The following ITGA2 variants were observed in gnomAD, a reference collection of about 807,000 sequenced individuals.
ITGA2 encodes the protein integrin alpha-2.
In ITGA2, 101 loss-of-function variants were observed where a neutral mutation model predicts 146.3. That is an observed-to-expected ratio of 0.69 (90% confidence interval 0.59 to 0.81). ITGA2 has a LOEUF of 0.81. ITGA2 is among the 40% of genes least tolerant of loss of function. ITGA2 has a pLI of 0.00. For missense variants in ITGA2, 1,281 were observed against 1,402.7 expected, an observed-to-expected ratio of 0.91 and a Z score of 1.39; for synonymous variants, 477 against 487.1, an observed-to-expected ratio of 0.98 and a Z score of 0.27.
chr5:53,067,316 G>T, intron 16 of ITGA2, 59 bp downstream of exon 16: 1 of 1,590,370 alleles, frequency 6.3e-7, no homozygotes, highest in Non-Finnish European at 8.6e-7. Context: ...TTTTAGTCCT[G>T]AATATAACAT....
At chr5:53,047,830 G>A (rs1473797992) in intron 4 of ITGA2, among the ~76,000 whole-genome samples, 2 of 152,152 alleles carry the variant, frequency 1.3e-5, no homozygotes, top group Non-Finnish European at 2.9e-5. Context: ...GAAAACTAAT[G>A]TTCAGCAAGA....
chr5:53,023,381 A>T (rs1742780621), intron 1 of ITGA2, among the ~76,000 whole-genome samples: 1 of 152,194 alleles, frequency 6.6e-6, no homozygotes. Flanking sequence ...GTCCTCCAAG[A>T]TCCAGATTAA....
chr5:53,004,846 T>C (rs1238455791), intron 1 of ITGA2, among the ~76,000 whole-genome samples: 2 of 147,884 alleles, frequency 1.4e-5, no homozygotes, highest in Admixed American at 6.8e-5. Flanking sequence ...CTTTACACAG[T>C]GTGTGGTCAT....
At chr5:53,054,361 G>A (rs567595626) in intron 7 of ITGA2, among the ~76,000 whole-genome samples, 27 of 151,934 alleles carry the variant, frequency 1.8e-4, no homozygotes, top group Admixed American at 3.9e-4. Flanking sequence ...TAACTTTCCC[G>A]ACTGCCTTCT....
At chr5:53,017,991 G>A (rs568743658) in intron 1 of ITGA2, among the ~76,000 whole-genome samples, 10 of 152,184 alleles carry the variant, frequency 6.6e-5, no homozygotes, top group Admixed American at 5.9e-4. Context: ...CCCTCTGATG[G>A]CCAGGCATGG....
chr5:52,996,998 T>C (rs1012063865), intron 1 of ITGA2, among the ~76,000 whole-genome samples: 3 of 152,248 alleles, frequency 2.0e-5, no homozygotes, highest in African/African-American at 7.2e-5. Flanking sequence ...CATTGAATCA[T>C]AAATTAGAAA....
At chr5:53,011,975 A>G (rs2111746632) in intron 1 of ITGA2, among the ~76,000 whole-genome samples, 1 of 152,292 alleles carries the variant, frequency 6.6e-6, no homozygotes, top group South Asian at 2.1e-4. Context: ...TTTTAGCAAA[A>G]TCTGTGTAAA....
chr5:53,004,007 A>AT (rs560517309), intron 1 of ITGA2, among the ~76,000 whole-genome samples: 10 of 151,786 alleles, frequency 6.6e-5, no homozygotes, highest in African/African-American at 1.7e-4. Flanking sequence ...GGGCCAGATA[A>AT]TTTTTTTTGA....
intron 3 of ITGA2, among the ~76,000 whole-genome samples, chr5:53,043,794 G>A (rs1371443509): frequency 6.6e-6 from 1 of 152,158 alleles, no homozygotes; most frequent in African/African-American, 2.4e-5. Flanking sequence ...GAGAAATAGA[G>A]TCTTAAAAAG....
chr5:53,055,570 G>C lies in ITGA2; in HGVS notation c.812G>C (p.Arg271Pro). 6.2e-7 allele frequency: 1 copy of C among 1,613,090 alleles called. No homozygotes were observed. Among genetic ancestry groups the C allele is most frequent in the Non-Finnish European group, 8.5e-7 (1 of 1,179,330 alleles). The part of the protein sequence containing the change: ...KYAYSAASGG[R>P]RSATKVMVVV... Reference sequence around the variant, plus strand: ...GCTTATTCAGCAGCTTCTGGTGGGCGACGAAGTGCTACGAAAGTAATGGTA... The same window carrying C: ...GCTTATTCAGCAGCTTCTGGTGGGCCACGAAGTGCTACGAAAGTAATGGTA... Residue 271 changes from arginine to proline, a missense_variant, in exon 8 of 30, where the codon CGA becomes CCA. Arg to Pro is a moderately radical substitution (Grantham distance 103). Around this residue, in one of 3 missense-constraint regions of ITGA2, gnomAD observed 795 missense variants for 841.7 expected, o/e 0.94. Transcript: ENST00000296585.
At chr5:53,063,041 T>C (rs990453467) in intron 13 of ITGA2, 112 bp downstream of exon 13, 7 of 872,406 alleles carry the variant, frequency 8.0e-6, no homozygotes, top group African/African-American at 3.4e-5. Context: ...ACAGATAGTA[T>C]GGTTTACATT....
At chr5:53,037,749 T>C (rs1439549834) in intron 2 of ITGA2, among the ~76,000 whole-genome samples, 1 of 152,196 alleles carries the variant, frequency 6.6e-6, no homozygotes, top group Non-Finnish European at 1.5e-5. Flanking sequence ...GTAGCCTACT[T>C]ATTAATGTGG....
chr5:53,085,588 G>A (rs973635126), intron 27 of ITGA2, among the ~76,000 whole-genome samples: 4 of 152,144 alleles, frequency 2.6e-5, no homozygotes, highest in African/African-American at 7.2e-5. Context: ...TTAAGAGACT[G>A]GTGAGCATGG....
chr5:53,071,977 G>T lies in ITGA2; in HGVS notation c.2275G>T (p.Asp759Tyr). 3 of 1,612,326 alleles carry T rather than the reference G, an allele frequency of 1.9e-6. No homozygotes were observed. The highest frequency in any genetic ancestry group is 2.5e-6 in the Non-Finnish European group (3 of 1,178,954). Residue 759 changes from aspartate (D) to tyrosine (Y), a missense_variant, in exon 18 of 30, where the codon GAC becomes TAC. Transcript: ENST00000296585. ...DVVNSLDLRV[D>Y]ISLENPGTSP... ...TGTCAACTCTTTGGATTTGCGTGTG[G>T]ACATCAGTCTGGAAAACCCTGGCAC...
At chr5:53,056,378 A>G (rs1257508799) in intron 9 of ITGA2, among the ~76,000 whole-genome samples, 1 of 152,060 alleles carries the variant, frequency 6.6e-6, no homozygotes, top group Non-Finnish European at 1.5e-5. Flanking sequence ...ATATTTCTAA[A>G]TACTTTCAGT....
At chr5:53,059,377 A>G (rs1292443742) in intron 10 of ITGA2, among the ~76,000 whole-genome samples, 1 of 151,968 alleles carries the variant, frequency 6.6e-6, no homozygotes. Context: ...AGAAAGCTGA[A>G]AGTAGAACAG....
chr5:53,046,169 TA>T (rs1744072164), intron 4 of ITGA2, among the ~76,000 whole-genome samples: 1 of 120,136 alleles, frequency 8.3e-6, no homozygotes. Context: ...CACTCCAGCC[TA>T]AGCGACAGAG....
intron 10 of ITGA2, 51 bp downstream of exon 10, chr5:53,058,152 C>G: frequency 2.3e-6 from 3 of 1,306,022 alleles, no homozygotes; most frequent in Non-Finnish European, 3.3e-6. Context: ...CATAACACTT[C>G]CAGACACAGT....
At position 53,051,405 on chromosome 5, in the gene ITGA2, T is replaced by C. The variant is rs111469109; in HGVS notation, c.631-6T>C. 2 of 1,612,842 alleles carry C rather than the reference T, an allele frequency of 1.2e-6. No homozygotes were observed. The highest frequency in any genetic ancestry group is 1.3e-5 in the African/African-American group (1 of 75,000). On this transcript the variant is annotated splice_polypyrimidine_tract_variant and splice_region_variant and intron_variant, in intron 6 of 29. Coordinates refer to ENST00000296585, the MANE Select transcript of ITGA2 (RefSeq NM_002203.4). ...AGCCCATTAATAAATGTCTCCTCTGTTGAAGGTGGGGTTAATTCAGTATGC... is the reference window on the plus strand; with the variant it reads ...AGCCCATTAATAAATGTCTCCTCTGCTGAAGGTGGGGTTAATTCAGTATGC...
Sources: gnomAD v4.1 joint callset for allele counts (sites outside exome capture counted in the v4.1 genomes callset) on GRCh38, gnomAD v4.1.1 for gene constraint, gnomAD v4.1.1 regional missense constraint, MANE v1.5 for transcripts, NCBI Gene and HGNC (gene_info 2026-07-23, HGNC 2026-07-21) for gene names.